PATJ: variants seen among roughly 807,000 people sequenced by gnomAD.
PATJ encodes the protein inaD-like protein.
Under a neutral mutation model 224.9 loss-of-function variants are expected in PATJ, and 190 were observed. That is an observed-to-expected ratio of 0.84 (90% CI 0.75 to 0.95). The LOEUF is 0.95. PATJ is among the 40% of genes least tolerant of loss of function. The pLI is 0.00. For synonymous variants in PATJ, 769 were observed against 820.3 expected (o/e 0.94, Z 1.07); for missense variants, 2,121 against 2,270.3 (o/e 0.93, Z 1.34).
rs766229335 is a variant in PATJ at position 61,775,296 on chromosome 1, G to A, written c.811G>A (p.Val271Ile). Reference sequence around the variant, plus strand: ...AGTTGGAGGAAAAACAAGTGGCGTGGTTGTGAGGACTATAGTTCCTGGAGG... The same window carrying A: ...AGTTGGAGGAAAAACAAGTGGCGTGATTGTGAGGACTATAGTTCCTGGAGG... ...GIVGGKTSGV[V>I]VRTIVPGGLA... Residue 271 changes from valine to isoleucine, a missense_variant, in exon 7 of 44, where the codon GTT becomes ATT. Coordinates refer to ENST00000642238, the MANE Select transcript of PATJ (RefSeq NM_001350145.3). 1 of 1,613,982 alleles carries A rather than the reference G, an allele frequency of 6.2e-7. No homozygotes were observed. The highest frequency in any genetic ancestry group is 1.1e-5 in the South Asian group (1 of 91,048).
chr1:61,761,717 A>G (rs1460472333), intron 1 of PATJ, among the ~76,000 whole-genome samples: 1 of 149,176 alleles, frequency 6.7e-6, no homozygotes, highest in African/African-American at 2.5e-5. Flanking sequence ...ACAGGGTCTC[A>G]CTCTGTTCCC....
At chr1:61,947,930 C>G (rs1235748613) in intron 27 of PATJ, among the ~76,000 whole-genome samples, 1 of 152,164 alleles carries the variant, frequency 6.6e-6, no homozygotes, top group Non-Finnish European at 1.5e-5. Flanking sequence ...ACCATCTGAT[C>G]TTTGACAAAC....
At chr1:61,847,960 C>T (rs1310143634) in intron 17 of PATJ, among the ~76,000 whole-genome samples, 2 of 152,048 alleles carry the variant, frequency 1.3e-5, no homozygotes, top group African/African-American at 4.8e-5. Flanking sequence ...ATAGTAAATA[C>T]CCTTTTTGAG....
chr1:61,932,967 A>G (rs1676250876), intron 27 of PATJ, among the ~76,000 whole-genome samples: 1 of 152,190 alleles, frequency 6.6e-6, no homozygotes, highest in Non-Finnish European at 1.5e-5. Context: ...TGTAACAACC[A>G]ATATAGAGAG....
At chr1:61,761,635 A>C (rs1645976148) in intron 1 of PATJ, among the ~76,000 whole-genome samples, 1 of 152,072 alleles carries the variant, frequency 6.6e-6, no homozygotes, top group Non-Finnish European at 1.5e-5. Flanking sequence ...TAAACAGGGA[A>C]AAACTTAACA....
chr1:62,044,597 A>G (rs529199730), intron 30 of PATJ, among the ~76,000 whole-genome samples: 18 of 152,336 alleles, frequency 1.2e-4, no homozygotes, highest in African/African-American at 3.8e-4. Context: ...GAATATCTTC[A>G]ATACAAACAA....
chr1:62,089,996 AT>A (rs1217792350), intron 33 of PATJ, among the ~76,000 whole-genome samples: 1 of 152,038 alleles, frequency 6.6e-6, no homozygotes, highest in Non-Finnish European at 1.5e-5. Flanking sequence ...TCCAAAAGAT[AT>A]TTTTGCTGTC....
intron 41 of PATJ, among the ~76,000 whole-genome samples, chr1:62,133,612 G>A (rs867652958): frequency 6.6e-6 from 1 of 152,068 alleles, no homozygotes; most frequent in Non-Finnish European, 1.5e-5. Flanking sequence ...CAAGAATATA[G>A]GTCTGTTTGA....
chr1:62,054,281 T>G, intron 31 of PATJ: 1 of 393,890 alleles, frequency 2.5e-6, no homozygotes, highest in African/African-American at 2.1e-5. Flanking sequence ...GAGGATTACT[T>G]GGACCTGGGA....
chr1:62,047,127 T>A (rs1410156931), intron 30 of PATJ, among the ~76,000 whole-genome samples: 1 of 152,244 alleles, frequency 6.6e-6, no homozygotes, highest in African/African-American at 2.4e-5. Flanking sequence ...ATTAGATGAA[T>A]GTTTTCAGCT....
intron 28 of PATJ, among the ~76,000 whole-genome samples, chr1:61,993,796 T>G (rs1413064579): frequency 1.3e-5 from 2 of 152,202 alleles, no homozygotes; most frequent in African/African-American, 4.8e-5. Context: ...AATAGTTAAC[T>G]GTTAATGAAA....
intron 13 of PATJ, among the ~76,000 whole-genome samples, chr1:61,806,766 C>T (rs1370227999): frequency 6.6e-6 from 1 of 152,040 alleles, no homozygotes. Flanking sequence ...AATGGCATTT[C>T]CTACTTATCT....
intron 37 of PATJ, 173 bp from the exon 38 acceptor site, chr1:62,121,007 GT>G: frequency 3.9e-6 from 2 of 508,986 alleles, no homozygotes; most frequent in Non-Finnish European, 3.5e-6. Flanking sequence ...ATGGGATTGG[GT>G]TGAGGTAGTA....
chr1:62,149,128 C>CAAAAAA (rs773276557), intron 42 of PATJ, among the ~76,000 whole-genome samples: 1 of 60,434 alleles, frequency 1.7e-5, no homozygotes, highest in Non-Finnish European at 3.6e-5. Flanking sequence ...AACTCCATCT[C>CAAAAAA]AAAAAAAAAA....
intron 22 of PATJ, among the ~76,000 whole-genome samples, chr1:61,891,971 G>A (rs1295916525): frequency 6.6e-6 from 1 of 152,148 alleles, no homozygotes; most frequent in Non-Finnish European, 1.5e-5. Flanking sequence ...ACATGTACAT[G>A]TAGTCATACA....
chr1:62,002,094 G>C (rs955540800), intron 28 of PATJ, among the ~76,000 whole-genome samples: 1 of 152,092 alleles, frequency 6.6e-6, no homozygotes, highest in South Asian at 2.1e-4. Context: ...GAGGTAGCAG[G>C]AGTCCCATAG....
At chr1:61,942,779 C>T (rs1678010662) in intron 27 of PATJ, among the ~76,000 whole-genome samples, 1 of 152,036 alleles carries the variant, frequency 6.6e-6, no homozygotes, top group African/African-American at 2.4e-5. Context: ...GAACTCCTCA[C>T]ATCAGGTGAT....
rs768084257 is a variant in PATJ, at chr1:61,927,830, G to A, written c.3670+1G>A. The A allele has an allele frequency of 1.1e-5, 17 of 1,600,240 alleles. No individual in the cohort carries two copies. The Admixed American group carries it at 1.5e-4, about 14-fold the overall frequency. The stretch of plus-strand genomic sequence containing the variant: ...GAAGAAGAAGATGCCTTTACCGACC[G>A]TGAGTGCCTTTTCACTATTTAGGGT... On this transcript the variant is annotated splice_donor_variant, in intron 27 of 43. Transcript: ENST00000642238. LOFTEE classifies it high-confidence loss of function.
chr1:61,748,262 T>TG (rs1349745015), intron 1 of PATJ, among the ~76,000 whole-genome samples: 4 of 138,790 alleles, frequency 2.9e-5, no homozygotes, highest in African/African-American at 1.1e-4. Context: ...TTTTTTTTTT[T>TG]TTTTTTTTTT....
Sources: allele counts gnomAD v4.1 joint callset (sites outside exome capture counted in the v4.1 genomes callset), GRCh38; gene constraint gnomAD v4.1.1; transcripts MANE v1.5; gene names NCBI Gene and HGNC (gene_info 2026-07-23, HGNC 2026-07-21).